Variants in TENM4 observed in about 807,000 individuals in gnomAD.
TENM4 encodes teneurin-4.
Under a neutral mutation model 243.3 loss-of-function variants are expected in TENM4, and 82 were observed. The ratio of observed to expected loss-of-function variants is 0.34; its 90% confidence interval spans 0.28 to 0.40. The LOEUF (loss-of-function observed/expected upper bound fraction) is 0.40. Ranked by LOEUF, TENM4 falls within the 10% of genes least tolerant of loss-of-function variation. TENM4 has a pLI of 1.00. For synonymous variants in TENM4, 1,412 were observed against 1,456.3 expected (o/e 0.97, Z 0.69); for missense variants, 3,138 against 3,673.3 (o/e 0.85, Z 3.77).
chr11:79,353,158 A>G (rs1372079866), intron 1 of TENM4, among the ~76,000 whole-genome samples: 1 of 152,208 alleles, frequency 6.6e-6, no homozygotes, highest in Non-Finnish European at 1.5e-5. Flanking sequence ...AACCAGCACG[A>G]GGCACCAATG....
intron 1 of TENM4, among the ~76,000 whole-genome samples, chr11:79,399,525 A>G (rs1424693870): frequency 6.6e-6 from 1 of 152,168 alleles, no homozygotes; most frequent in African/African-American, 2.4e-5. Flanking sequence ...ATTAGAGAGG[A>G]ACTTGGAGGC....
At chr11:79,107,252 T>C (rs554870603) in intron 4 of TENM4, among the ~76,000 whole-genome samples, 28 of 152,150 alleles carry the variant, frequency 1.8e-4, no homozygotes, top group Admixed American at 1.6e-3. Flanking sequence ...ATTTTTACTG[T>C]ATACAAGACT....
At chr11:78,883,174 T>C (rs1311712610) in intron 9 of TENM4, among the ~76,000 whole-genome samples, 2 of 152,172 alleles carry the variant, frequency 1.3e-5, no homozygotes, top group Non-Finnish European at 2.9e-5. Flanking sequence ...ATCTCCTTTA[T>C]CACATGCTCT....
At position 78,686,904 on chromosome 11, in the gene TENM4, G is replaced by T. The variant is rs116969150; in HGVS notation, c.5260+1150C>A. On this transcript the variant is annotated intron_variant, in intron 29 of 33. Transcript: ENST00000278550. Reference sequence around the variant, plus strand: ...ACTAAATTTGGGAGTAAAAGTGGTTGTAAGAATATACAGACATTTATTTTC... The same window carrying T: ...ACTAAATTTGGGAGTAAAAGTGGTTTTAAGAATATACAGACATTTATTTTC... 2.2e-3 allele frequency among the ~76,000 whole-genome samples: 331 copies of T among 152,294 alleles called. 7 individuals are homozygous for T. The highest frequency in any genetic ancestry group is 0.018 in the East Asian group (94 of 5,182).
intron 2 of TENM4, among the ~76,000 whole-genome samples, chr11:79,223,389 T>A (rs1288025504): frequency 6.6e-6 from 1 of 152,124 alleles, no homozygotes; most frequent in Non-Finnish European, 1.5e-5. Context: ...TTCAAGCACA[T>A]CATCAAAAAT....
At chr11:79,266,140 A>G (rs1855880738) in intron 2 of TENM4, among the ~76,000 whole-genome samples, 1 of 152,220 alleles carries the variant, frequency 6.6e-6, no homozygotes, top group African/African-American at 2.4e-5. Flanking sequence ...CATAAGACTT[A>G]CTGAGTGCAG....
intron 6 of TENM4, among the ~76,000 whole-genome samples, chr11:78,972,227 G>A (rs964395404): frequency 2.0e-5 from 3 of 152,108 alleles, no homozygotes; most frequent in African/African-American, 7.2e-5. Context: ...GAGCTCAGCA[G>A]ACCCACAGCC....
At chr11:78,666,248 C>T (rs1858157691) in intron 32 of TENM4, among the ~76,000 whole-genome samples, 1 of 152,198 alleles carries the variant, frequency 6.6e-6, no homozygotes, top group Admixed American at 6.5e-5. Context: ...TAGGATATGA[C>T]CCACTATGCA....
At chr11:78,786,733 A>C (rs1307065064) in intron 16 of TENM4, among the ~76,000 whole-genome samples, 165 bp downstream of exon 16, 1 of 152,228 alleles carries the variant, frequency 6.6e-6, no homozygotes, top group Non-Finnish European at 1.5e-5. Context: ...GTGAGTTTAA[A>C]TCCAACCGAT....
intron 1 of TENM4, among the ~76,000 whole-genome samples, chr11:79,426,746 G>A (rs1306731116): frequency 6.6e-6 from 1 of 152,218 alleles, no homozygotes; most frequent in African/African-American, 2.4e-5. Context: ...AGCTAGGAAG[G>A]ATTGCCAGTA....
intron 4 of TENM4, among the ~76,000 whole-genome samples, chr11:79,148,236 G>A (rs1474443161): frequency 6.6e-6 from 1 of 152,144 alleles, no homozygotes; most frequent in Non-Finnish European, 1.5e-5. Flanking sequence ...CTTGAGGAGG[G>A]ACATGCTGTT....
intron 1 of TENM4, among the ~76,000 whole-genome samples, chr11:79,348,058 C>T (rs1400669201): frequency 6.6e-6 from 1 of 152,138 alleles, no homozygotes; most frequent in Non-Finnish European, 1.5e-5. Context: ...GGATTACAGG[C>T]GTGAGCCACC....
chr11:79,019,924 A>G (rs1443170195), intron 6 of TENM4, among the ~76,000 whole-genome samples: 1 of 152,154 alleles, frequency 6.6e-6, no homozygotes, highest in African/African-American at 2.4e-5. Flanking sequence ...AAAGTGAAAG[A>G]CAGGTGCCAA....
At position 78,668,851 on chromosome 11, in the gene TENM4, G is replaced by A. The variant is rs562974704; in HGVS notation, c.7408+86C>T. 365 of 1,480,266 alleles carry A rather than the reference G, an allele frequency of 2.5e-4. 5 individuals are homozygous for A. In the South Asian group the frequency reaches 4.9e-3, roughly 20 times the overall value. The allele number at this position is 1,480,266 out of a possible 1,614,324, so 91.7% of individuals were successfully genotyped here. A position where few individuals can be genotyped will look rare whatever the true frequency, so the allele number is the denominator to read the frequency against. ...AAGTCAGTGTTTCCTGTCACCTTAT[G>A]CCAGCTTTCTCAAAGAAGACTAAGT... is the stretch of plus-strand genomic sequence containing the variant. On this transcript the variant is annotated intron_variant, in intron 32 of 33. Transcript: ENST00000278550.
At chr11:78,929,390 G>C (rs1294333901) in intron 6 of TENM4, among the ~76,000 whole-genome samples, 1 of 152,108 alleles carries the variant, frequency 6.6e-6, no homozygotes, top group Non-Finnish European at 1.5e-5. Flanking sequence ...GAGGTGGGAG[G>C]GGGAAAGTTT....
intron 18 of TENM4, among the ~76,000 whole-genome samples, chr11:78,769,567 G>C (rs940797240): frequency 6.6e-6 from 1 of 152,154 alleles, no homozygotes; most frequent in African/African-American, 2.4e-5. Flanking sequence ...TCTAAAATAA[G>C]AACTCTGGAT....
intron 6 of TENM4, among the ~76,000 whole-genome samples, chr11:79,054,445 G>C (rs1275366125): frequency 6.6e-6 from 1 of 152,002 alleles, no homozygotes. Flanking sequence ...TGAGCTAAGG[G>C]GTCCTTGAAG....
intron 2 of TENM4, among the ~76,000 whole-genome samples, chr11:79,262,520 G>A (rs754060344): frequency 2.0e-5 from 3 of 152,148 alleles, no homozygotes; most frequent in South Asian, 2.1e-4. Context: ...TAAACTGCTC[G>A]TTCCATCCAT....
intron 17 of TENM4, among the ~76,000 whole-genome samples, chr11:78,777,312 A>G (rs906497055): frequency 6.6e-6 from 1 of 152,220 alleles, no homozygotes; most frequent in African/African-American, 2.4e-5. Context: ...GTTGGATCCT[A>G]TGCGACACCT....
Sources: gnomAD v4.1 joint callset for allele counts (sites outside exome capture counted in the v4.1 genomes callset) on GRCh38, gnomAD v4.1.1 for gene constraint, MANE v1.5 for transcripts, NCBI Gene and HGNC (gene_info 2026-07-23, HGNC 2026-07-21) for gene names.